Variants in EFCAB6 observed in about 807,000 individuals in gnomAD.
EFCAB6 encodes EF-hand calcium binding domain 6, also known as EF-hand calcium-binding domain-containing protein 6.
In EFCAB6, 156 loss-of-function variants were observed where a neutral mutation model predicts 169.8. That is an observed-to-expected ratio of 0.92 (90% CI 0.81 to 1.05). The LOEUF is 1.05. Ranked by LOEUF, EFCAB6 falls within the 50% of genes least tolerant of loss-of-function variation. EFCAB6 has a pLI of 0.00. For missense variants in EFCAB6, 1,800 were observed against 1,829.1 expected (o/e 0.98, Z 0.29); for synonymous variants, 698 against 676.4 (o/e 1.03, Z -0.50).
Position 43,687,463 on chromosome 22 carries a change from T to TA in EFCAB6, c.1142+7_1142+8insT. 6.9e-7 allele frequency: 1 copy of TA among 1,443,368 alleles called. No homozygotes were observed. Among genetic ancestry groups the TA allele is most frequent in the South Asian group, 1.3e-5 (1 of 74,558 alleles). 89.4% of individuals were successfully genotyped at this position (1,443,368 alleles called of 1,614,324 possible). On this transcript the variant is annotated splice_region_variant and intron_variant, in intron 11 of 31. Transcript: ENST00000262726. ...CTAAAATTTGTTTTTTTTTTTTTTT[T>TA]TACATACCTATTTCTTTTTGTCAGG...
intron 6 of EFCAB6, among the ~76,000 whole-genome samples, chr22:43,742,310 G>A (rs1249564375): frequency 6.6e-6 from 1 of 152,192 alleles, no homozygotes; most frequent in East Asian, 1.9e-4. Flanking sequence ...ACACAGCCAC[G>A]CCCACTCATT....
Position 43,678,149 on chromosome 22 carries a change from C to T in EFCAB6, c.1266G>A (p.Pro422=), listed in dbSNP as rs146730740. Residue 422 remains proline, a synonymous_variant, in exon 13 of 32, where the codon CCG becomes CCA. Coordinates refer to ENST00000262726, the MANE Select transcript of EFCAB6 (RefSeq NM_022785.4). ...TATATCGAAATTCTTCTCTTGTTAT[C>T]GGTCCATCGGGTTTCTGAGCATCAG... ...LLIINTKPDG[P]ITREEFRYIL... is the part of the protein sequence containing the mutation. 59 of 1,597,590 alleles carry T rather than the reference C, an allele frequency of 3.7e-5. No individual in the cohort carries two copies. The Middle Eastern group carries it at 5.3e-4, about 14-fold the overall frequency.
chr22:43,631,896 A>G (rs1569283098), intron 19 of EFCAB6, among the ~76,000 whole-genome samples: 2 of 150,530 alleles, frequency 1.3e-5, no homozygotes, highest in Non-Finnish European at 1.5e-5. Flanking sequence ...CTGCCAGCAA[A>G]GTGTCCACGG....
intron 8 of EFCAB6, among the ~76,000 whole-genome samples, chr22:43,718,653 C>T (rs141479344): frequency 2.0e-5 from 3 of 152,220 alleles, no homozygotes; most frequent in East Asian, 1.9e-4. Context: ...CATTGCGGCA[C>T]GCCTATAGTC....
At chr22:43,698,563 C>A (rs904756476) in intron 10 of EFCAB6, among the ~76,000 whole-genome samples, 3 of 152,190 alleles carry the variant, frequency 2.0e-5, no homozygotes, top group Admixed American at 2.0e-4. Flanking sequence ...CCCCATATCA[C>A]CCAGCATAGG....
chr22:43,784,243 A>G (rs908618319), intron 2 of EFCAB6, among the ~76,000 whole-genome samples: 2 of 152,128 alleles, frequency 1.3e-5, no homozygotes, highest in African/African-American at 4.8e-5. Context: ...TCCAAACTCA[A>G]TGAAATTACT....
At chr22:43,630,854 A>C (rs961735982) in intron 19 of EFCAB6, among the ~76,000 whole-genome samples, 14 of 152,174 alleles carry the variant, frequency 9.2e-5, no homozygotes, top group African/African-American at 2.9e-4. Flanking sequence ...GGATGAGATC[A>C]TTAGGACCAA....
intron 10 of EFCAB6, among the ~76,000 whole-genome samples, chr22:43,702,604 G>A (rs1388062799): frequency 1.3e-5 from 2 of 152,132 alleles, no homozygotes; most frequent in African/African-American, 4.8e-5. Context: ...TTCCCAGGAA[G>A]CCCATTCCCA....
At chr22:43,699,449 A>G (rs370572655) in intron 10 of EFCAB6, among the ~76,000 whole-genome samples, 4 of 152,188 alleles carry the variant, frequency 2.6e-5, no homozygotes, top group African/African-American at 9.6e-5. Context: ...TATCCCTGAG[A>G]TGCTTCCTCA....
intron 6 of EFCAB6, among the ~76,000 whole-genome samples, chr22:43,743,009 A>T (rs938529219): frequency 3.9e-5 from 6 of 152,232 alleles, no homozygotes; most frequent in Non-Finnish European, 8.8e-5. Context: ...CGGCTGCATA[A>T]GCCAAGCCCG....
chr22:43,710,004 C>T (rs2059103481), intron 10 of EFCAB6, among the ~76,000 whole-genome samples: 1 of 152,200 alleles, frequency 6.6e-6, no homozygotes, highest in South Asian at 2.1e-4. Context: ...TCTCTCATGC[C>T]TCTCCTTTCT....
At chr22:43,711,434 G>T (rs372562521) in intron 10 of EFCAB6, 41 bp downstream of exon 10, 3 of 1,518,308 alleles carry the variant, frequency 2.0e-6, no homozygotes, top group Non-Finnish European at 2.6e-6. Flanking sequence ...TACGGTTGAC[G>T]TTTGGGGAAA....
chr22:43,712,318 T>C (rs923715352), intron 9 of EFCAB6, among the ~76,000 whole-genome samples: 5 of 114,142 alleles, frequency 4.4e-5, no homozygotes. Context: ...TCTTCAACCA[T>C]CCCACTTTGT....
chr22:43,737,415 C>G (rs2147690670), intron 6 of EFCAB6, among the ~76,000 whole-genome samples: 1 of 150,480 alleles, frequency 6.6e-6, no homozygotes, highest in Non-Finnish European at 1.5e-5. Context: ...TGCACAGATA[C>G]AGGCATACAC....
intron 12 of EFCAB6, 69 bp downstream of exon 12, chr22:43,683,678 T>A (rs897473218): frequency 8.0e-6 from 9 of 1,131,702 alleles, no homozygotes; most frequent in South Asian, 6.2e-5. Flanking sequence ...TTGTTATTGG[T>A]CTTGTTCTGA....
intron 26 of EFCAB6, among the ~76,000 whole-genome samples, chr22:43,561,152 T>C (rs757301825): frequency 6.6e-6 from 1 of 151,580 alleles, no homozygotes; most frequent in Non-Finnish European, 1.5e-5. Context: ...AGGTCAGGAG[T>C]TCGAGACCAG....
intron 28 of EFCAB6, among the ~76,000 whole-genome samples, chr22:43,539,209 T>G (rs987931859): frequency 5.3e-5 from 8 of 152,212 alleles, no homozygotes; most frequent in Non-Finnish European, 1.0e-4. Context: ...TCCCTGGCCA[T>G]GTAAGACAAC....
At chr22:43,542,317 C>T (rs576839460) in intron 27 of EFCAB6, among the ~76,000 whole-genome samples, 10 of 152,324 alleles carry the variant, frequency 6.6e-5, no homozygotes, top group Non-Finnish European at 1.0e-4. Flanking sequence ...CAGTGGCTCA[C>T]GCCTGTAATC....
intron 23 of EFCAB6, among the ~76,000 whole-genome samples, chr22:43,593,732 C>T (rs755009103): frequency 4.6e-4 from 70 of 152,096 alleles, no homozygotes; most frequent in Admixed American, 4.6e-4. Context: ...CTCATTCATT[C>T]AGGTGCTATA....
Sources: allele counts gnomAD v4.1 joint callset (sites outside exome capture counted in the v4.1 genomes callset), GRCh38; gene constraint gnomAD v4.1.1; transcripts MANE v1.5; gene names NCBI Gene and HGNC (gene_info 2026-07-23, HGNC 2026-07-21).